Variants in BPHL observed in about 807,000 individuals in gnomAD.
BPHL encodes biphenyl hydrolase like.
BPHL carries 27 observed loss-of-function variants against 31.2 expected under a neutral mutation model. The ratio of observed to expected loss-of-function variants is 0.87; its 90% CI spans 0.64 to 1.19. The LOEUF is 1.19. Among genes scored for constraint, BPHL ranks in the 50% most tolerant of loss-of-function variants. The probability of loss-of-function intolerance (pLI) is 0.00; values close to 1 mark genes in which losing one functional copy is unlikely to be tolerated. For missense variants in BPHL, 356 were observed against 375.7 expected (o/e 0.95, Z 0.43); for synonymous variants, 150 against 146.8 (o/e 1.02, Z -0.16).
chr6:3,145,207 A>G (rs1762299062), intron 6 of BPHL, among the ~76,000 whole-genome samples: 1 of 60,786 alleles, frequency 1.6e-5, no homozygotes, highest in African/African-American at 6.6e-5. Context: ...TTCGGGGTGG[A>G]GTGCTGGTTC....
In BPHL at chr6:3,123,053, A is replaced by G. The variant is rs572210073; in HGVS notation, c.108-604A>G. 2.0e-5 allele frequency among the ~76,000 whole-genome samples: 3 copies of G among 152,368 alleles called. No individual in the cohort carries two copies. In the South Asian group the frequency reaches 6.2e-4, roughly 32 times the overall value. ...GGCTTCCAGCTCACCGGCGTGTGCC[A>G]TGAGCCTCTGTGGCCATTGATTGAG... is the stretch of plus-strand genomic sequence containing the variant. On this transcript the variant is annotated intron_variant, in intron 1 of 6. Transcript: ENST00000380379.
rs1396564251 is a variant in BPHL, at chr6:3,149,741, T to A, written c.789-2747T>A. Among the ~76,000 whole-genome samples the A allele has an allele frequency of 6.6e-6, 1 of 152,194 alleles. No individual in the cohort carries two copies. Among genetic ancestry groups the A allele is most frequent in the Non-Finnish European group, 1.5e-5 (1 of 68,050 alleles). ...TCCGCCTACTGGGTTCAAGTGATTCTGCCTCAGCCTCCCGAGTAGCTGGGA... is the reference window on the plus strand; with the variant it reads ...TCCGCCTACTGGGTTCAAGTGATTCAGCCTCAGCCTCCCGAGTAGCTGGGA... On this transcript the variant is annotated intron_variant, in intron 6 of 6. Coordinates refer to ENST00000380379, the MANE Select transcript of BPHL (RefSeq NM_004332.4). This position sits in a 1 kb window ranked among gnomAD's most constrained non-coding sequence, Gnocchi z 4.6.
At chr6:3,123,570 C>A in intron 1 of BPHL, 87 bp from the exon 2 acceptor site, 1 of 1,133,760 alleles carries the variant, frequency 8.8e-7, no homozygotes, top group Non-Finnish European at 1.3e-6. Flanking sequence ...AACACTTATT[C>A]CTCCTGTCTA....
intron 4 of BPHL, among the ~76,000 whole-genome samples, chr6:3,132,301 C>T (rs1037227100): frequency 3.3e-5 from 5 of 152,160 alleles, no homozygotes; most frequent in African/African-American, 9.7e-5. Context: ...TTGAAGCTTT[C>T]TCTGTCTGGA....
chr6:3,130,819 G>A (rs1761850470), intron 4 of BPHL, among the ~76,000 whole-genome samples: 1 of 152,168 alleles, frequency 6.6e-6, no homozygotes, highest in Admixed American at 6.5e-5. Context: ...TTGTAGAATT[G>A]TAGTTCTTCA....
chr6:3,120,682 G>A (rs1330887232), intron 1 of BPHL, among the ~76,000 whole-genome samples: 4 of 152,164 alleles, frequency 2.6e-5, no homozygotes, highest in Admixed American at 1.3e-4. Flanking sequence ...TTCAAAATCC[G>A]TAAGGTGATT....
At chr6:3,146,540 C>CG (rs200749851) in intron 6 of BPHL, among the ~76,000 whole-genome samples, 2 of 1,096 alleles carry the variant, frequency 1.8e-3, no homozygotes, top group Admixed American at 0.011. Context: ...TGGTTTGGGT[C>CG]GAGTGCTGGT....
Position 3,140,140 on chromosome 6 carries a change from C to G in BPHL, c.665-246C>G. 1 of 511,544 alleles carries G rather than the reference C, an allele frequency of 2.0e-6. No homozygotes were observed. The highest frequency in any genetic ancestry group is 3.5e-6 in the Non-Finnish European group (1 of 289,544). 31.7% of individuals were successfully genotyped at this position (511,544 alleles called of 1,614,324 possible). On this transcript the variant is annotated intron_variant, in intron 5 of 6. Transcript: ENST00000380379. The surrounding 1 kb of genome is among the most constrained non-coding windows in gnomAD (Gnocchi z 5.2). The stretch of plus-strand genomic sequence containing the variant: ...CCTACTATTTTATGCGAATTTAAAT[C>G]AGGCTGCTTATTTACTAGTAGAACT...
At chr6:3,136,954 C>T (rs1762029391) in intron 4 of BPHL, among the ~76,000 whole-genome samples, 1 of 152,198 alleles carries the variant, frequency 6.6e-6, no homozygotes, top group East Asian at 1.9e-4. Flanking sequence ...CTTTTGCAAA[C>T]ATTGTCGCTC....
In BPHL at chr6:3,124,071, C is replaced by T. The variant is rs116573702; in HGVS notation, c.211+311C>T. On this transcript the variant is annotated intron_variant, in intron 2 of 6. Transcript: ENST00000380379. ...GTGTGGGAAGAAGGTAAAGGAGGAA[C>T]GTGAGTGGGTAATCAGTCATCCTAG... is the stretch of plus-strand genomic sequence containing the variant. 3.2e-3 allele frequency: 574 copies of T among 178,970 alleles called. 3 individuals are homozygous for T. Among genetic ancestry groups the T allele is most frequent in the African/African-American group, 0.012 (507 of 42,056 alleles). The allele number at this position is 178,970 out of a possible 1,614,324, so 11.1% of individuals were successfully genotyped here.
At chr6:3,141,542 T>C (rs547286968) in intron 6 of BPHL, among the ~76,000 whole-genome samples, 3 of 152,274 alleles carry the variant, frequency 2.0e-5, no homozygotes, top group South Asian at 4.1e-4. Flanking sequence ...TAATTTTTTG[T>C]ATTTTCAGTA....
intron 2 of BPHL, among the ~76,000 whole-genome samples, chr6:3,124,674 C>T (rs1356307055): frequency 2.0e-5 from 3 of 152,132 alleles, no homozygotes; most frequent in East Asian, 1.9e-4. Context: ...CAAGGAAAAA[C>T]GTCTGTACAT....
chr6:3,126,115 A>G (rs1761703281), intron 2 of BPHL, among the ~76,000 whole-genome samples: 2 of 152,166 alleles, frequency 1.3e-5, no homozygotes, highest in South Asian at 4.1e-4. Flanking sequence ...GCTGTTTCAT[A>G]CTGTTCTGAT....
Position 3,129,201 on chromosome 6 carries a change from AGG to A in BPHL, c.532+4_532+5del. 6.4e-7 allele frequency: 1 copy of A among 1,554,950 alleles called. No individual in the cohort carries two copies. Among genetic ancestry groups the A allele is most frequent in the Non-Finnish European group, 8.7e-7 (1 of 1,152,260 alleles). On this transcript the variant is annotated splice_donor_5th_base_variant and intron_variant, in intron 4 of 6. Coordinates refer to ENST00000380379, the MANE Select transcript of BPHL (RefSeq NM_004332.4). Reference sequence around the variant, plus strand: ...CGAAGACAGCATGATATATGAGGGTAGGTTCTGCGAAGGGGAGATGCCGGGAC... The same window carrying A: ...CGAAGACAGCATGATATATGAGGGTATTCTGCGAAGGGGAGATGCCGGGAC...
chr6:3,138,265 A>T, intron 5 of BPHL: 1 of 240,074 alleles, frequency 4.2e-6, no homozygotes, highest in Non-Finnish European at 8.4e-6. Context: ...TGATCCGCCC[A>T]CCTTGGCCCT....
intron 6 of BPHL, among the ~76,000 whole-genome samples, chr6:3,144,384 T>TGG (rs57886050): frequency 5.3e-5 from 7 of 132,954 alleles, no homozygotes; most frequent in African/African-American, 5.7e-5. Context: ...TTTTTTTTTT[T>TGG]TTTTTTGTTT....
chr6:3,133,060 T>G lies in BPHL; in HGVS notation c.532+3862T>G, dbSNP rs76760158. ...TAATACTCTTTCTCCCTGAAAATAATATTTTAATTACTATTTATTGAGTGC... is the reference window on the plus strand; with the variant it reads ...TAATACTCTTTCTCCCTGAAAATAAGATTTTAATTACTATTTATTGAGTGC... On this transcript the variant is annotated intron_variant, in intron 4 of 6. Transcript: ENST00000380379. 2.8e-3 allele frequency among the ~76,000 whole-genome samples: 426 copies of G among 152,310 alleles called. 1 individual carries two copies. The highest frequency in any genetic ancestry group is 0.01 in the Middle Eastern group (3 of 294).
intron 6 of BPHL, among the ~76,000 whole-genome samples, chr6:3,143,990 G>A (rs550042285): frequency 7.2e-5 from 11 of 152,384 alleles, no homozygotes; most frequent in Admixed American, 3.9e-4. Context: ...GCTCCTCAGC[G>A]AGGCTTCCTC....
rs1173056355 is a variant in BPHL at position 3,118,809 on chromosome 6, G to A, written c.69G>A (p.Gly23=). 3 of 1,245,102 alleles carry A rather than the reference G, an allele frequency of 2.4e-6. No individual in the cohort carries two copies. Among genetic ancestry groups the A allele is most frequent in the South Asian group, 3.8e-5 (1 of 26,316 alleles). The allele number at this position is 1,245,102 out of a possible 1,614,324, so 77.1% of individuals were successfully genotyped here. The change falls in exon 1 of 7, where the codon GGG becomes GGA. Residue 23 remains glycine (G), a synonymous_variant. Coordinates refer to ENST00000380379, the MANE Select transcript of BPHL (RefSeq NM_004332.4). ...TGCTTCTCTCAGCGCTGAAGCCCGG[G>A]ATCCACGTCCCACGGGCCGGACCCG... ...LRLLLSALKP[G]IHVPRAGPAA...
Sources: gnomAD v4.1 joint callset for allele counts (sites outside exome capture counted in the v4.1 genomes callset) on GRCh38, gnomAD v4.1.1 for gene constraint, Gnocchi (gnomAD v3.1) non-coding constraint, MANE v1.5 for transcripts, NCBI Gene and HGNC (gene_info 2026-07-23, HGNC 2026-07-21) for gene names.